Variants in DSG3 observed in about 807,000 individuals in gnomAD.
The protein encoded by DSG3 is desmoglein 3.
In DSG3, 63 loss-of-function variants were observed where a neutral mutation model predicts 85.9. That is an observed-to-expected ratio of 0.73 (90% CI 0.60 to 0.90). The LOEUF (loss-of-function observed/expected upper bound fraction) is 0.90. Among genes scored for constraint, DSG3 ranks in the 40% least tolerant of loss-of-function variants. DSG3 has a pLI of 0.00. For missense variants in DSG3, 1,220 were observed against 1,219.9 expected, an observed-to-expected ratio of 1.00 and a Z score of 0.00; for synonymous variants, 447 against 441.9, an observed-to-expected ratio of 1.01 and a Z score of -0.14.
intron 7 of DSG3, 73 bp from the exon 8 acceptor site, chr18:31,461,154 C>T (rs2072782729): frequency 7.5e-7 from 1 of 1,334,234 alleles, no homozygotes; most frequent in Non-Finnish European, 1.0e-6. Context: ...TAAGGATTAC[C>T]ATTTAGAAGA....
intron 1 of DSG3, among the ~76,000 whole-genome samples, chr18:31,454,706 G>A (rs2072731506): frequency 6.7e-6 from 1 of 149,150 alleles, no homozygotes; most frequent in Non-Finnish European, 1.5e-5. Flanking sequence ...GACAACTTTG[G>A]TTAGAATTTA....
chr18:31,460,922 A>G lies in DSG3; in HGVS notation c.774A>G (p.Lys258=). 1 of 1,604,674 alleles carries G rather than the reference A, an allele frequency of 6.2e-7. No individual in the cohort carries two copies. ...AATGTGAATGTAATATTAAAGTGAA[A>G]GATGTCAACGATAACTTCCCAATGT... The part of the protein sequence containing the change: ...STQCECNIKV[K]DVNDNFPMFR... The change falls in exon 7 of 16, where the codon AAA becomes AAG. Residue 258 remains lysine (K), a synonymous_variant. Transcript: ENST00000257189.
chr18:31,452,039 G>A (rs1485408652), intron 1 of DSG3, among the ~76,000 whole-genome samples: 2 of 152,160 alleles, frequency 1.3e-5, no homozygotes, highest in Non-Finnish European at 2.9e-5. Context: ...TGGCTAGGTT[G>A]TACACTGCAC....
Position 31,472,350 on chromosome 18 carries a change from T to C in DSG3, c.1964T>C (p.Phe655Ser). 1.2e-6 allele frequency: 2 copies of C among 1,614,196 alleles called. No homozygotes were observed. ...AGSTGGVTGG[F>S]IPVPDGSEGT... Reference sequence around the variant, plus strand: ...TCTACTGGGGGAGTGACAGGTGGTTTTATCCCAGTTCCTGATGGCTCAGAA... The same window carrying C: ...TCTACTGGGGGAGTGACAGGTGGTTCTATCCCAGTTCCTGATGGCTCAGAA... The change falls in exon 13 of 16, where the codon TTT (phenylalanine) becomes TCT (serine). Residue 655 changes from phenylalanine (F) to serine (S), a missense_variant. Coordinates refer to ENST00000257189, the MANE Select transcript of DSG3 (RefSeq NM_001944.3).
chr18:31,465,860 C>G (rs376545264), intron 10 of DSG3, among the ~76,000 whole-genome samples: 3 of 152,152 alleles, frequency 2.0e-5, no homozygotes, highest in African/African-American at 7.2e-5. Context: ...GCAATTTCCT[C>G]TTCTGGAATG....
At chr18:31,453,832 A>C (rs1011166428) in intron 1 of DSG3, among the ~76,000 whole-genome samples, 1 of 152,116 alleles carries the variant, frequency 6.6e-6, no homozygotes, top group African/African-American at 2.4e-5. Flanking sequence ...AAAACTATGT[A>C]AATATTTATT....
chr18:31,474,903 T>A (rs2072877274), intron 15 of DSG3, among the ~76,000 whole-genome samples: 1 of 152,204 alleles, frequency 6.6e-6, no homozygotes, highest in Non-Finnish European at 1.5e-5. Context: ...TCTTTAAGAA[T>A]ACAAAGCAGT....
At chr18:31,454,792 C>T (rs1049127868) in intron 1 of DSG3, among the ~76,000 whole-genome samples, 5 of 151,300 alleles carry the variant, frequency 3.3e-5, no homozygotes, top group Admixed American at 6.6e-5. Flanking sequence ...GTCAGGAGTT[C>T]GAGACCAGCC....
At position 31,474,386 on chromosome 18, in the gene DSG3, G is replaced by A; in HGVS notation, c.2367G>A (p.Leu789=). The change falls in exon 15 of 16, where the codon CTG becomes CTA. Residue 789 remains leucine, a synonymous_variant. Coordinates refer to ENST00000257189, the MANE Select transcript of DSG3 (RefSeq NM_001944.3). The part of the protein sequence containing the change: ...YADGAISMNF[L]DSYFSQKAFA... ...ATGGGGCGATAAGCATGAATTTTCT[G>A]GACTCCTACTTTTCTCAGGTAATTT... The A allele has an allele frequency of 1.2e-6, 2 of 1,604,222 alleles. No individual in the cohort carries two copies. Among genetic ancestry groups the A allele is most frequent in the Non-Finnish European group, 1.7e-6 (2 of 1,173,236 alleles).
chr18:31,453,339 G>C (rs2144261586), intron 1 of DSG3, among the ~76,000 whole-genome samples: 1 of 152,260 alleles, frequency 6.6e-6, no homozygotes, highest in African/African-American at 2.4e-5. Flanking sequence ...TGAGCTACCT[G>C]CATCTAATCC....
Position 31,457,104 on chromosome 18 carries a change from A to C in DSG3, c.196A>C (p.Lys66Gln), listed in dbSNP as rs1454865996. The C allele has an allele frequency of 6.2e-7, 1 of 1,612,426 alleles. No homozygotes were observed. The highest frequency in any genetic ancestry group is 1.7e-5 in the Admixed American group (1 of 59,788). Residue 66 changes from lysine (K) to glutamine (Q), a missense_variant, in exon 3 of 16, where the codon AAA becomes CAA. Transcript: ENST00000257189. Reference protein sequence around the residue: ...KPCREGEDNSKRNPIAKITSD... With the variant: ...KPCREGEDNSQRNPIAKITSD... ...CTGCAGAGAAGGAGAAGATAACTCA[A>C]AAAGAAACCCAATTGCCAAGGTAAG...
Position 31,466,679 on chromosome 18 carries a change from A to G in DSG3, c.1561A>G (p.Thr521Ala), listed in dbSNP as rs1254490441. ...CGCTAGAACACTGAATAATAGATAC[A>G]CTGGCCCCTATACATTTGCACTGGA... ...VSARTLNNRY[T>A]GPYTFALEDQ... Residue 521 changes from threonine to alanine, a missense_variant, in exon 11 of 16, where the codon ACT becomes GCT. Physicochemically the swap from Thr to Ala is moderately conservative, Grantham distance 58 (BLOSUM62 0). Coordinates refer to ENST00000257189, the MANE Select transcript of DSG3 (RefSeq NM_001944.3). The G allele has an allele frequency of 6.2e-7, 1 of 1,614,170 alleles. No homozygotes were observed. The highest frequency in any genetic ancestry group is 2.2e-5 in the East Asian group (1 of 44,878).
chr18:31,461,822 G>A (rs1426165123), intron 8 of DSG3, among the ~76,000 whole-genome samples: 1 of 152,134 alleles, frequency 6.6e-6, no homozygotes, highest in African/African-American at 2.4e-5. Context: ...TTCGTCAATC[G>A]GTTTTAAATG....
At position 31,475,320 on chromosome 18, in the gene DSG3, G is replaced by A. The variant is rs1386793302; in HGVS notation, c.2386-326G>A. On this transcript the variant is annotated intron_variant, in intron 15 of 15. Coordinates refer to ENST00000257189, the MANE Select transcript of DSG3 (RefSeq NM_001944.3). ...ATTGTGTTTGAAGAAAGACTGCAGG[G>A]CAGGGGAGAAAGGGAGGGGTTGTTT... is the stretch of plus-strand genomic sequence containing the variant. Among the ~76,000 whole-genome samples, 9 of 152,236 alleles carry A rather than the reference G, an allele frequency of 5.9e-5. No individual in the cohort carries two copies. The East Asian group carries it at 1.5e-3, about 26-fold the overall frequency.
chr18:31,470,680 AG>A (rs572596359), intron 12 of DSG3, among the ~76,000 whole-genome samples: 57 of 152,352 alleles, frequency 3.7e-4, no homozygotes, highest in Non-Finnish European at 5.7e-4. Flanking sequence ...ATTACTACAA[AG>A]GGGTAATTAC....
At chr18:31,448,014 T>A (rs887920374) in intron 1 of DSG3, 89 bp downstream of exon 1, 16 of 1,038,218 alleles carry the variant, frequency 1.5e-5, no homozygotes, top group Non-Finnish European at 2.1e-5. Flanking sequence ...ATCTTTATTA[T>A]AAATTCTAAA....
chr18:31,462,828 T>C (rs2072794447), intron 8 of DSG3, among the ~76,000 whole-genome samples: 1 of 152,204 alleles, frequency 6.6e-6, no homozygotes, highest in Non-Finnish European at 1.5e-5. Context: ...TTCTTACCAG[T>C]GCACCACCAC....
chr18:31,452,411 C>T (rs1223992248), intron 1 of DSG3, among the ~76,000 whole-genome samples: 2 of 147,264 alleles, frequency 1.4e-5, no homozygotes, highest in Admixed American at 7.1e-5. Flanking sequence ...TCCAGCTACT[C>T]GGGAGGCTGA....
At chr18:31,458,666 G>A in intron 4 of DSG3, 66 bp downstream of exon 4, 1 of 1,523,758 alleles carries the variant, frequency 6.6e-7, no homozygotes, top group South Asian at 1.3e-5. Context: ...GAAAGTGACA[G>A]TTTTCTACTG....
Sources: gnomAD v4.1 joint callset for allele counts (sites outside exome capture counted in the v4.1 genomes callset) on GRCh38, gnomAD v4.1.1 for gene constraint, MANE v1.5 for transcripts, NCBI Gene and HGNC (gene_info 2026-07-23, HGNC 2026-07-21) for gene names.